MVP: variants seen among roughly 807,000 people sequenced by gnomAD.
The protein encoded by MVP is lung resistance-related protein.
MVP carries 62 observed loss-of-function variants against 83.5 expected under a neutral mutation model. The observed-to-expected ratio is 0.74, with a 90% CI of 0.61 to 0.92. The LOEUF is 0.92. MVP is among the 40% of genes least tolerant of loss of function. The pLI is 0.00. For missense variants in MVP, 1,000 were observed against 1,203.4 expected (o/e 0.83, Z 2.50); for synonymous variants, 505 against 504.1 (o/e 1.00, Z -0.02).
At chr16:29,847,138 C>T in intron 13 of MVP, 59 bp from the exon 14 acceptor site, 2 of 1,569,968 alleles carry the variant, frequency 1.3e-6, no homozygotes, top group South Asian at 1.1e-5. Context: ...GCAGTGAGTC[C>T]TGATCTGCAT....
At chr16:29,846,068 G>A (rs566744650) in intron 12 of MVP, 89 bp downstream of exon 12, 21 of 1,607,568 alleles carry the variant, frequency 1.3e-5, no homozygotes, top group Middle Eastern at 1.7e-4. Context: ...GTGGGGTGTC[G>A]ATGAGACAGT....
At chr16:29,845,545 T>C (rs781730972) in intron 11 of MVP, among the ~76,000 whole-genome samples, 2 of 152,188 alleles carry the variant, frequency 1.3e-5, no homozygotes, top group African/African-American at 4.8e-5. Context: ...CACTTTTCTT[T>C]CTCTCACAGC....
intron 14 of MVP, 122 bp from the exon 15 acceptor site, chr16:29,847,640 G>C (rs1248671661): frequency 9.3e-7 from 1 of 1,071,162 alleles, no homozygotes; most frequent in African/African-American, 1.6e-5. Context: ...TTCCAAGGCA[G>C]TCAAGCAGGG....
At chr16:29,831,415 A>C (rs2067441470) in intron 3 of MVP, among the ~76,000 whole-genome samples, 1 of 152,102 alleles carries the variant, frequency 6.6e-6, no homozygotes, top group South Asian at 2.1e-4. Context: ...CGGCCTCCCA[A>C]AGTGCTGGGA....
chr16:29,835,850 C>A, intron 6 of MVP, 52 bp downstream of exon 6: 1 of 1,458,694 alleles, frequency 6.9e-7, no homozygotes, highest in East Asian at 2.3e-5. Context: ...GGGAACCCTC[C>A]GAGTGGCAGA....
In MVP at chr16:29,841,624, T is replaced by C; in HGVS notation, c.1220T>C (p.Met407Thr). 1.2e-6 allele frequency: 2 copies of C among 1,610,654 alleles called. No individual in the cohort carries two copies. The highest frequency in any genetic ancestry group is 1.7e-6 in the Non-Finnish European group (2 of 1,178,536). The change falls in exon 9 of 15, where the codon ATG becomes ACG. Residue 407 changes from methionine to threonine, a missense_variant. Met to Thr is a moderately conservative substitution (Grantham distance 81, BLOSUM62 -1). Coordinates refer to ENST00000357402, the MANE Select transcript of MVP (RefSeq NM_005115.5). This position sits in a 1 kb window ranked among gnomAD's most constrained non-coding sequence, Gnocchi z 4.7. ...CGCGCTGTGATTGGAAGCACCTACATGCTGACCCAGGACGAAGTCCTGTGG... is the reference window on the plus strand; with the variant it reads ...CGCGCTGTGATTGGAAGCACCTACACGCTGACCCAGGACGAAGTCCTGTGG... ...KVRAVIGSTY[M>T]LTQDEVLWEK...
At chr16:29,827,942 C>T (rs751764030) in intron 1 of MVP, among the ~76,000 whole-genome samples, 7 of 152,120 alleles carry the variant, frequency 4.6e-5, no homozygotes, top group Non-Finnish European at 8.8e-5. Context: ...TTTAGTTCCT[C>T]AGATGCATTA....
intron 1 of MVP, among the ~76,000 whole-genome samples, chr16:29,828,606 C>A (rs1168997971): frequency 6.6e-6 from 1 of 152,172 alleles, no homozygotes; most frequent in Non-Finnish European, 1.5e-5. Flanking sequence ...TCTCGAACTC[C>A]TGACCTCAGG....
At chr16:29,826,620 TC>T (rs1437773423) in intron 1 of MVP, among the ~76,000 whole-genome samples, 1 of 52,730 alleles carries the variant, frequency 1.9e-5, no homozygotes, top group Non-Finnish European at 4.0e-5. Context: ...AGACCTTATC[TC>T]AAAAAAAAAA....
At chr16:29,828,030 G>T (rs1216026363) in intron 1 of MVP, among the ~76,000 whole-genome samples, 22 of 151,888 alleles carry the variant, frequency 1.4e-4, no homozygotes, top group Non-Finnish European at 2.9e-4. Context: ...GCGAGATCTT[G>T]GCTCACTGCA....
chr16:29,820,856 G>A (rs769355783), intron 1 of MVP: 1 of 152,220 alleles, frequency 6.6e-6, no homozygotes, highest in Non-Finnish European at 1.5e-5. Flanking sequence ...CTTAGCCCTA[G>A]ATCGGTGCTT....
chr16:29,823,938 T>TA lies in MVP; in HGVS notation c.-36+3435dup, dbSNP rs1252074607. ...TAGAATCACCGGAGATGGGTGGCTT[T>TA]AAAAAAAGGTCTCCAGAAGGCCTGG... On this transcript the variant is annotated intron_variant, in intron 1 of 14. Coordinates refer to ENST00000357402, the MANE Select transcript of MVP (RefSeq NM_005115.5). Among the ~76,000 whole-genome samples the TA allele has an allele frequency of 1.1e-4, 17 of 151,380 alleles. No homozygotes were observed. The South Asian group carries it at 3.1e-3, about 28-fold the overall frequency.
chr16:29,821,384 T>G (rs1227466553), intron 1 of MVP: 1 of 152,176 alleles, frequency 6.6e-6, no homozygotes, highest in African/African-American at 2.4e-5. Context: ...GTATGTAGCC[T>G]TGAGCAGGTA....
rs1366555504 is a variant in MVP at position 29,842,089 on chromosome 16, G to A, written c.1611G>A (p.Leu537=). ...TCGAAACGGCGGATCATGCCAGGCT[G>A]CAACTGCAGCTGGCCTACAACTGGT... ...ITIETADHAR[L]QLQLAYNWHF... The change falls in exon 10 of 15, where the codon CTG becomes CTA. Residue 537 remains leucine (L), a synonymous_variant. Coordinates refer to ENST00000357402, the MANE Select transcript of MVP (RefSeq NM_005115.5). 1.2e-6 allele frequency: 2 copies of A among 1,604,226 alleles called. No homozygotes were observed. Among genetic ancestry groups the A allele is most frequent in the Non-Finnish European group, 1.7e-6 (2 of 1,179,172 alleles).
chr16:29,837,455 T>C (rs962534991), intron 7 of MVP, among the ~76,000 whole-genome samples: 7 of 152,066 alleles, frequency 4.6e-5, no homozygotes, highest in Admixed American at 4.6e-4. Flanking sequence ...AAAAATACAA[T>C]ATAAAAGCTT....
intron 6 of MVP, 65 bp downstream of exon 6, chr16:29,835,863 ATGG>A: frequency 7.5e-7 from 1 of 1,333,288 alleles, no homozygotes; most frequent in Non-Finnish European, 1.1e-6. Context: ...GTGGCAGAGA[ATGG>A]TGGTAGAATG....
intron 7 of MVP, among the ~76,000 whole-genome samples, chr16:29,839,562 C>T (rs1486190558): frequency 3.3e-5 from 5 of 151,844 alleles, no homozygotes; most frequent in Admixed American, 6.6e-5. Context: ...GTGGGTAGAT[C>T]GCTTGAGTCT....
intron 1 of MVP, among the ~76,000 whole-genome samples, chr16:29,827,218 A>G (rs2067410680): frequency 1.3e-5 from 2 of 152,204 alleles, no homozygotes; most frequent in Admixed American, 1.3e-4. Flanking sequence ...AGCAAAAATG[A>G]GCAACAGAAA....
intron 1 of MVP, among the ~76,000 whole-genome samples, chr16:29,821,944 G>A (rs1016657986): frequency 6.6e-6 from 1 of 152,132 alleles, no homozygotes; most frequent in Non-Finnish European, 1.5e-5. Flanking sequence ...TCCAGCCTAG[G>A]GCTGGATGCG....
Sources: gnomAD v4.1 joint callset for allele counts (sites outside exome capture counted in the v4.1 genomes callset) on GRCh38, gnomAD v4.1.1 for gene constraint, Gnocchi (gnomAD v3.1) non-coding constraint, MANE v1.5 for transcripts, NCBI Gene and HGNC (gene_info 2026-07-23, HGNC 2026-07-21) for gene names.